Variants in MAGI1 observed in about 807,000 individuals in gnomAD.
The protein encoded by MAGI1 is membrane associated guanylate kinase, WW and PDZ domain containing 1.
MAGI1 carries 58 observed loss-of-function variants against 139.9 expected under a neutral mutation model. The ratio of observed to expected loss-of-function variants is 0.41; its 90% CI spans 0.34 to 0.52. The LOEUF is 0.52. MAGI1 is among the 20% of genes least tolerant of loss of function. The probability of loss-of-function intolerance (pLI) is 0.12; values close to 1 mark genes in which losing one functional copy is unlikely to be tolerated. For missense variants in MAGI1, 1,874 were observed against 1,901.6 expected (o/e 0.99, Z 0.27); for synonymous variants, 812 against 737.9 (o/e 1.10, Z -1.63).
rs2079367693 is a variant in MAGI1 at position 65,543,800 on chromosome 3, TAGATGATG to T, written c.431-50177_431-50170del. Among the ~76,000 whole-genome samples the T allele has an allele frequency of 6.7e-5, 10 of 150,366 alleles. No homozygotes were observed. The South Asian group carries it at 2.1e-3, about 31-fold the overall frequency. ...ATAGCATTTGGAGAAATACCTAATG[TAGATGATG>T]GGTTGATGGGTGCAGCAAACCACCA... On this transcript the variant is annotated intron_variant, in intron 2 of 22. Transcript: ENST00000402939.
intron 1 of MAGI1, among the ~76,000 whole-genome samples, chr3:65,775,551 C>T (rs1205485437): frequency 1.5e-5 from 2 of 137,068 alleles, no homozygotes; most frequent in Admixed American, 1.5e-4. Flanking sequence ...AAACATAGTC[C>T]ATTATGTGAA....
intron 1 of MAGI1, among the ~76,000 whole-genome samples, chr3:65,891,765 C>A (rs896491924): frequency 3.4e-4 from 49 of 143,758 alleles, no homozygotes; most frequent in African/African-American, 1.2e-3. Context: ...GGAGGGATAG[C>A]TTTAGGAGAT....
Position 65,356,251 on chromosome 3 carries a change from T to G in MAGI1, c.*127A>C. ...TATAAGATTTCAAATGCATAAAATG[T>G]TTGTTGTTATTCATAGGATCATCAG... On this transcript the variant is annotated 3_prime_UTR_variant, in exon 23 of 23. Transcript: ENST00000402939. 2 of 853,238 alleles carry G rather than the reference T, an allele frequency of 2.3e-6. No homozygotes were observed. Among genetic ancestry groups the G allele is most frequent in the Non-Finnish European group, 3.4e-6 (2 of 582,108 alleles). The allele number at this position is 853,238 out of a possible 1,614,324, so 52.9% of individuals were successfully genotyped here.
At chr3:65,931,009 G>A (rs2062781836) in intron 1 of MAGI1, among the ~76,000 whole-genome samples, 1 of 151,838 alleles carries the variant, frequency 6.6e-6, no homozygotes, top group Non-Finnish European at 1.5e-5. Flanking sequence ...TGCCTACGAA[G>A]TAGCTATTCT....
intron 1 of MAGI1, among the ~76,000 whole-genome samples, chr3:65,668,017 C>G (rs1207190772): frequency 1.3e-5 from 2 of 152,148 alleles, no homozygotes; most frequent in Non-Finnish European, 2.9e-5. Context: ...TTAGTAACAT[C>G]AGGTTTTTCT....
intron 1 of MAGI1, among the ~76,000 whole-genome samples, chr3:66,008,173 A>G (rs908732595): frequency 6.6e-6 from 1 of 152,152 alleles, no homozygotes. Flanking sequence ...CTGGGATCAT[A>G]GGTGTGAGCC....
At chr3:65,843,103 T>C (rs535411139) in intron 1 of MAGI1, among the ~76,000 whole-genome samples, 1 of 152,360 alleles carries the variant, frequency 6.6e-6, no homozygotes, top group East Asian at 1.9e-4. Flanking sequence ...ACTGGCTTAT[T>C]GACTCAATTC....
chr3:65,802,806 T>C (rs1039831055), intron 1 of MAGI1, among the ~76,000 whole-genome samples: 1 of 151,294 alleles, frequency 6.6e-6, no homozygotes, highest in East Asian at 2.0e-4. Flanking sequence ...CCATGGTGAC[T>C]TCAACACACT....
intron 9 of MAGI1, among the ~76,000 whole-genome samples, 157 bp from the exon 10 acceptor site, chr3:65,437,404 C>CTTTTT: frequency 7.2e-6 from 1 of 138,684 alleles, no homozygotes. Flanking sequence ...CTATGAAGCT[C>CTTTTT]TTTTTTTTTT....
rs1209034730 is a variant in MAGI1 at position 65,353,983 on chromosome 3, T to C, written c.*2395A>G. ...CACATAGATTTTAAATTGCCAAATA[T>C]CATCTTACAACAAGAAGGACATCAA... On this transcript the variant is annotated 3_prime_UTR_variant, in exon 23 of 23. Coordinates refer to ENST00000402939, the MANE Select transcript of MAGI1 (RefSeq NM_001033057.2). The C allele has an allele frequency of 3.3e-5, 5 of 152,204 alleles. No homozygotes were observed. The highest frequency in any genetic ancestry group is 1.2e-4 in the African/African-American group (5 of 41,440). 9.4% of individuals were successfully genotyped at this position (152,204 alleles called of 1,614,324 possible).
intron 1 of MAGI1, among the ~76,000 whole-genome samples, chr3:65,775,905 G>T (rs1408107885): frequency 6.7e-6 from 1 of 149,536 alleles, no homozygotes; most frequent in Middle Eastern, 3.2e-3. Context: ...TCACATCACT[G>T]CACTTCAGCC....
intron 5 of MAGI1, among the ~76,000 whole-genome samples, chr3:65,460,524 T>C (rs1243610700): frequency 6.6e-6 from 1 of 152,092 alleles, no homozygotes; most frequent in Non-Finnish European, 1.5e-5. Context: ...CTGGGAATAC[T>C]ACTTGCATTA....
At chr3:65,372,854 TCTCA>T (rs1942137471) in intron 18 of MAGI1, among the ~76,000 whole-genome samples, 1 of 152,224 alleles carries the variant, frequency 6.6e-6, no homozygotes, top group African/African-American at 2.4e-5. Context: ...TTCTCCCCTC[TCTCA>T]GCCTTTACTG....
At chr3:65,814,695 T>G (rs568452656) in intron 1 of MAGI1, among the ~76,000 whole-genome samples, 1 of 152,200 alleles carries the variant, frequency 6.6e-6, no homozygotes, top group Non-Finnish European at 1.5e-5. Context: ...GCTCATAGAA[T>G]GCTCAGAGCA....
At position 65,865,995 on chromosome 3, in the gene MAGI1, A is replaced by G. The variant is rs140547824; in HGVS notation, c.313+172001T>C. On this transcript the variant is annotated intron_variant, in intron 1 of 22. Transcript: ENST00000402939. ...CAGCAGCTGACATGGAATGATGTTCATAACATATGACTGAGAGAAAAATAG... is the reference window on the plus strand; with the variant it reads ...CAGCAGCTGACATGGAATGATGTTCGTAACATATGACTGAGAGAAAAATAG... Among the ~76,000 whole-genome samples the G allele has an allele frequency of 9.8e-4, 150 of 152,348 alleles. 1 individual carries two copies. In the East Asian group the frequency reaches 0.024, roughly 25 times the overall value.
chr3:65,786,250 A>AT (rs2039370172), intron 1 of MAGI1, among the ~76,000 whole-genome samples: 1 of 51,876 alleles, frequency 1.9e-5, no homozygotes, highest in African/African-American at 7.2e-5. Context: ...GCCAATCATA[A>AT]CTTTTTTTTT....
intron 1 of MAGI1, among the ~76,000 whole-genome samples, chr3:65,940,863 A>T (rs1020242579): frequency 3.9e-5 from 6 of 152,078 alleles, no homozygotes; most frequent in Non-Finnish European, 8.8e-5. Context: ...CTCCTCACAA[A>T]CCCCAAACCT....
intron 6 of MAGI1, 105 bp downstream of exon 6, chr3:65,453,153 A>T: frequency 1.0e-6 from 1 of 957,348 alleles, no homozygotes; most frequent in Non-Finnish European, 1.7e-6. Flanking sequence ...TTACCTTTTA[A>T]AAACTCAACA....
chr3:65,981,867 T>C (rs145453670), intron 1 of MAGI1, among the ~76,000 whole-genome samples: 1,977 of 152,296 alleles, frequency 0.013, 43 homozygotes, highest in African/African-American at 0.045. Context: ...ATTAAACCTA[T>C]TTTTCTTTAT....
Sources: allele counts gnomAD v4.1 joint callset (sites outside exome capture counted in the v4.1 genomes callset), GRCh38; gene constraint gnomAD v4.1.1; transcripts MANE v1.5; gene names NCBI Gene and HGNC (gene_info 2026-07-23, HGNC 2026-07-21).